Variants in AADAT observed in about 807,000 individuals in gnomAD.
The protein encoded by AADAT is aminoadipate aminotransferase.
AADAT carries 25 observed loss-of-function variants against 56.2 expected under a neutral mutation model. The observed-to-expected ratio is 0.44, with a 90% CI of 0.32 to 0.62. The LOEUF is 0.62. Ranked by LOEUF, AADAT falls within the 20% of genes least tolerant of loss-of-function variation. The pLI is 0.04. For synonymous variants in AADAT, 173 were observed against 164.7 expected (o/e 1.05, Z -0.39); for missense variants, 387 against 510.5 (o/e 0.76, Z 2.33).
At chr4:170,083,253 A>C (rs1370628872) in intron 3 of AADAT, among the ~76,000 whole-genome samples, 1 of 152,164 alleles carries the variant, frequency 6.6e-6, no homozygotes, top group Non-Finnish European at 1.5e-5. Flanking sequence ...AAAATATGCA[A>C]ACACACGAAA....
upstream of AADAT, among the ~76,000 whole-genome samples, chr4:170,092,589 G>A (rs1732900527): frequency 6.6e-6 from 1 of 152,228 alleles, no homozygotes; most frequent in African/African-American, 2.4e-5. Flanking sequence ...ACAGTATCTA[G>A]TAAACCTGTT....
At chr4:170,089,968 G>A, upstream of AADAT, 1 of 240,608 alleles carries the variant, frequency 4.2e-6, no homozygotes. Flanking sequence ...CGGCCGCCAG[G>A]GCCCAGGCCG....
chr4:170,085,596 T>A (rs1732521535), intron 3 of AADAT, among the ~76,000 whole-genome samples: 1 of 152,182 alleles, frequency 6.6e-6, no homozygotes, highest in Non-Finnish European at 1.5e-5. Context: ...AAGAAGAAAC[T>A]GTCTTGAGCA....
intron 3 of AADAT, among the ~76,000 whole-genome samples, chr4:170,079,156 C>A (rs954049538): frequency 1.6e-4 from 25 of 152,286 alleles, no homozygotes; most frequent in African/African-American, 5.5e-4. Flanking sequence ...TACAGATGCA[C>A]AATGACATAA....
intron 3 of AADAT, among the ~76,000 whole-genome samples, chr4:170,082,333 G>A (rs1034841690): frequency 7.2e-5 from 11 of 152,056 alleles, no homozygotes; most frequent in Non-Finnish European, 1.3e-4. Context: ...AAGATAAGTT[G>A]ATCCAAGATA....
upstream of AADAT, among the ~76,000 whole-genome samples, chr4:170,092,557 C>A (rs1482728150): frequency 6.6e-6 from 1 of 152,174 alleles, no homozygotes; most frequent in African/African-American, 2.4e-5. Context: ...TCAGTGAGAC[C>A]AAAACCCCAC....
chr4:170,082,716 T>C (rs1401218213), intron 3 of AADAT, among the ~76,000 whole-genome samples: 1 of 151,920 alleles, frequency 6.6e-6, no homozygotes, highest in Non-Finnish European at 1.5e-5. Flanking sequence ...ACACACAGTC[T>C]GAAAATGAGG....
At chr4:170,079,610 T>C (rs1407121328) in intron 3 of AADAT, among the ~76,000 whole-genome samples, 1 of 151,936 alleles carries the variant, frequency 6.6e-6, no homozygotes, top group Non-Finnish European at 1.5e-5. Context: ...CTGAGAGGTA[T>C]TAGGAAATGA....
At chr4:170,073,876 G>A (rs766739881) in intron 4 of AADAT, among the ~76,000 whole-genome samples, 3 of 152,132 alleles carry the variant, frequency 2.0e-5, no homozygotes, top group Non-Finnish European at 4.4e-5. Context: ...CCCCGTTTAC[G>A]TCAGGTATGG....
At position 170,073,140 on chromosome 4, in the gene AADAT, T is replaced by C. The variant is rs1402318441; in HGVS notation, c.650A>G (p.Tyr217Cys). The change falls in exon 5 of 13, where the codon TAT becomes TGT. Residue 217 changes from tyrosine to cysteine, a missense_variant. By Grantham distance (194) the Tyr-to-Cys change is radical (BLOSUM62 -2). Transcript: ENST00000337664. Reference sequence around the variant, plus strand: ...TAACCCATTCTTCTACAATACCTCATAGATTTCCTTTTTGCGTTCACTGGT... The same window carrying C: ...TAACCCATTCTTCTACAATACCTCACAGATTTCCTTTTTGCGTTCACTGGT... ...SLTSERKKEIYELARKYDFLI... is the reference protein window; with the variant it reads ...SLTSERKKEICELARKYDFLI... The C allele has an allele frequency of 1.9e-6, 3 of 1,614,038 alleles. No individual in the cohort carries two copies. Among genetic ancestry groups the C allele is most frequent in the Non-Finnish European group, 2.5e-6 (3 of 1,179,950 alleles).
chr4:170,071,853 G>A (rs1282583964), intron 5 of AADAT, among the ~76,000 whole-genome samples: 1 of 152,120 alleles, frequency 6.6e-6, no homozygotes, highest in Non-Finnish European at 1.5e-5. Flanking sequence ...GGGGATGGGG[G>A]GCAAAGGAGG....
At chr4:170,087,017 A>C (rs1360932420) in intron 3 of AADAT, 99 bp downstream of exon 3, 17 of 1,455,900 alleles carry the variant, frequency 1.2e-5, no homozygotes, top group Middle Eastern at 1.8e-4. Context: ...GACTACCAGT[A>C]ATCCATAAAA....
At chr4:170,074,974 T>TA (rs1356347609) in intron 4 of AADAT, among the ~76,000 whole-genome samples, 1 of 152,144 alleles carries the variant, frequency 6.6e-6, no homozygotes, top group Admixed American at 6.5e-5. Flanking sequence ...GAATTACGCA[T>TA]AAAAAAAGAA....
rs1731153232 is a variant in AADAT, at chr4:170,060,786, T to C, written c.*142A>G. 2.0e-6 allele frequency: 1 copy of C among 506,988 alleles called. No homozygotes were observed. The highest frequency in any genetic ancestry group is 3.3e-6 in the Non-Finnish European group (1 of 303,642). The allele number at this position is 506,988 out of a possible 1,614,324, so 31.4% of individuals were successfully genotyped here. On this transcript the variant is annotated 3_prime_UTR_variant, in exon 13 of 13. Transcript: ENST00000337664. ...TCTTGTTCTGCCATGCAGGCCAGAG[T>C]GCATGCAGGCCAGAGTGCAGTGGTG...
Position 170,066,428 on chromosome 4 carries a change from T to C in AADAT, c.1013A>G (p.Asp338Gly). The C allele has an allele frequency of 6.2e-7, 1 of 1,613,886 alleles. No individual in the cohort carries two copies. The highest frequency in any genetic ancestry group is 8.5e-7 in the Non-Finnish European group (1 of 1,179,880). ...NQKDAILAAADKWLTGLAEWH... is the reference protein window; with the variant it reads ...NQKDAILAAAGKWLTGLAEWH... ...GTTCCACTCACCAGTTAACCACTTG[T>C]CTGCAGCTGCCAGTATTGCATCCTT... The change falls in exon 10 of 13, where the codon GAC becomes GGC. Residue 338 changes from aspartate (D) to glycine (G), a missense_variant. By Grantham distance (94) the Asp-to-Gly change is moderately conservative (BLOSUM62 -1). Coordinates refer to ENST00000337664, the MANE Select transcript of AADAT (RefSeq NM_016228.4).
rs17852900 is a variant in AADAT at position 170,087,177 on chromosome 4, G to A, written c.308C>T (p.Pro103Leu). 4 of 1,613,976 alleles carry A rather than the reference G, an allele frequency of 2.5e-6. No homozygotes were observed. Among genetic ancestry groups the A allele is most frequent in the Non-Finnish European group, 3.4e-6 (4 of 1,180,004 alleles). The change falls in exon 3 of 13, where the codon CCA (proline) becomes CTA (leucine). Residue 103 changes from proline (P) to leucine (L), a missense_variant. Coordinates refer to ENST00000337664, the MANE Select transcript of AADAT (RefSeq NM_016228.4). The stretch of plus-strand genomic sequence containing the variant: ...TAGATCCATTTGTCCTTGACTGGGT[G>A]GGTAATGGATGGTAGGAGGATTATG... ...KLHNPPTIHY[P>L]PSQGQMDLCV...
Position 170,073,125 on chromosome 4 carries a change from T to G in AADAT, c.654+11A>C. On this transcript the variant is annotated intron_variant, in intron 5 of 12. Transcript: ENST00000337664. ...GGAACACAACTACTTTAACCCATTC[T>G]TCTACAATACCTCATAGATTTCCTT... 1 of 1,613,152 alleles carries G rather than the reference T, an allele frequency of 6.2e-7. No homozygotes were observed. The highest frequency in any genetic ancestry group is 8.5e-7 in the Non-Finnish European group (1 of 1,179,450).
chr4:170,073,054 G>C lies in AADAT; in HGVS notation c.654+82C>G, dbSNP rs2727515. On this transcript the variant is annotated intron_variant, in intron 5 of 12. Transcript: ENST00000337664. ...TTCCTTGAAAGCAAAAGGCTAAGAA[G>C]AAAGGGAGCTTGCATAGTGCTCTTC... The C allele has an allele frequency of 0.011, 14,124 of 1,311,046 alleles. 1,164 individuals carry two copies. The African/African-American group carries it at 0.18, about 17-fold the overall frequency. 81.2% of individuals were successfully genotyped at this position (1,311,046 alleles called of 1,614,324 possible). A position where few individuals can be genotyped will look rare whatever the true frequency, so the allele number is the denominator to read the frequency against.
chr4:170,087,876 G>A (rs1039150395), intron 2 of AADAT, among the ~76,000 whole-genome samples: 4 of 151,682 alleles, frequency 2.6e-5, no homozygotes, highest in Non-Finnish European at 5.9e-5. Flanking sequence ...TATTTGAATG[G>A]CTGCTTGTTT....
Sources: gnomAD v4.1 joint callset for allele counts (sites outside exome capture counted in the v4.1 genomes callset) on GRCh38, gnomAD v4.1.1 for gene constraint, MANE v1.5 for transcripts, NCBI Gene and HGNC (gene_info 2026-07-23, HGNC 2026-07-21) for gene names.